Variants in RAB28 observed in about 807,000 individuals in gnomAD.
RAB28 encodes RAB28, member RAS oncogene family, also known as ras-related protein Rab-28.
A neutral mutation model predicts 31.7 loss-of-function variants in RAB28; 24 were observed. The ratio of observed to expected loss-of-function variants is 0.76; its 90% CI spans 0.55 to 1.06. RAB28 has a LOEUF of 1.06. Among genes scored for constraint, RAB28 ranks in the 50% least tolerant of loss-of-function variants. The pLI is 0.00. For missense variants in RAB28, 254 were observed against 258.5 expected (o/e 0.98, Z 0.12); for synonymous variants, 100 against 90.4 (o/e 1.11, Z -0.60).
chr4:13,453,482 G>A (rs978267984), intron 4 of RAB28, among the ~76,000 whole-genome samples: 2 of 152,090 alleles, frequency 1.3e-5, no homozygotes, highest in Non-Finnish European at 2.9e-5. Context: ...GGTGGTTACT[G>A]TCTTTGAACT....
At chr4:13,415,536 A>G (rs148421825) in intron 4 of RAB28, among the ~76,000 whole-genome samples, 11,269 of 152,132 alleles carry the variant, frequency 0.074, 738 homozygotes, top group African/African-American at 0.18. Flanking sequence ...CTTAGCACCC[A>G]GGCCAGTGGC....
At chr4:13,459,061 G>A (rs1024001787) in intron 4 of RAB28, among the ~76,000 whole-genome samples, 2 of 152,206 alleles carry the variant, frequency 1.3e-5, no homozygotes, top group African/African-American at 4.8e-5. Flanking sequence ...GAATAAAGCA[G>A]ATTTGCTGAG....
chr4:13,442,619 C>T (rs1394013175), intron 4 of RAB28, among the ~76,000 whole-genome samples: 1 of 151,514 alleles, frequency 6.6e-6, no homozygotes, highest in Non-Finnish European at 1.5e-5. Context: ...ATTTTTAAAT[C>T]TTTATATTAG....
At chr4:13,418,828 G>T (rs1449644908) in intron 4 of RAB28, among the ~76,000 whole-genome samples, 1 of 152,174 alleles carries the variant, frequency 6.6e-6, no homozygotes, top group Non-Finnish European at 1.5e-5. Context: ...TCAATGCTAG[G>T]AAGAAACTGC....
chr4:13,478,006 T>C (rs1716443344), intron 2 of RAB28, among the ~76,000 whole-genome samples: 1 of 151,452 alleles, frequency 6.6e-6, no homozygotes. Context: ...TTGGTGGCTT[T>C]TCAAATTAAG....
chr4:13,425,417 A>C lies in RAB28; in HGVS notation c.391+35282T>G, dbSNP rs555347393. On this transcript the variant is annotated intron_variant, in intron 4 of 6. Transcript: ENST00000330852. The stretch of plus-strand genomic sequence containing the variant: ...AATTCCATGTAAAACTATTTCAACA[A>C]ACACTGTTTCCTAGAAGTCCTTCAC... 2.9e-4 allele frequency among the ~76,000 whole-genome samples: 44 copies of C among 152,280 alleles called. No homozygotes were observed. The South Asian group carries it at 9.1e-3, about 32-fold the overall frequency.
At chr4:13,402,371 T>G (rs1711816953) in intron 4 of RAB28, among the ~76,000 whole-genome samples, 1 of 152,252 alleles carries the variant, frequency 6.6e-6, no homozygotes, top group African/African-American at 2.4e-5. Context: ...GATTCAATGG[T>G]AGGTTTGTCT....
intron 2 of RAB28, among the ~76,000 whole-genome samples, chr4:13,479,041 AAC>A (rs1349434149): frequency 6.6e-6 from 1 of 151,696 alleles, no homozygotes; most frequent in African/African-American, 2.4e-5. Flanking sequence ...AAAAAACTAA[AAC>A]AGAGGCAAAT....
At chr4:13,432,981 T>G (rs1252500556) in intron 4 of RAB28, among the ~76,000 whole-genome samples, 1 of 149,778 alleles carries the variant, frequency 6.7e-6, no homozygotes, top group Non-Finnish European at 1.5e-5. Flanking sequence ...CAAATTGAAT[T>G]TAAAAAAAAA....
At chr4:13,408,569 G>C (rs997090533) in intron 4 of RAB28, among the ~76,000 whole-genome samples, 7 of 151,728 alleles carry the variant, frequency 4.6e-5, no homozygotes, top group African/African-American at 1.5e-4. Flanking sequence ...CTATTGCTTG[G>C]AATAGCAAAA....
intron 4 of RAB28, among the ~76,000 whole-genome samples, chr4:13,388,551 T>G (rs1287755623): frequency 1.3e-5 from 2 of 151,912 alleles, no homozygotes; most frequent in Non-Finnish European, 2.9e-5. Context: ...TTTTCGTGTA[T>G]CAAAGCACAT....
chr4:13,474,631 T>C (rs566288506), intron 2 of RAB28, among the ~76,000 whole-genome samples: 1 of 151,714 alleles, frequency 6.6e-6, no homozygotes, highest in Non-Finnish European at 1.5e-5. Flanking sequence ...CATGGAACCA[T>C]ATTTACAATC....
At chr4:13,390,696 C>T (rs1434400475) in intron 4 of RAB28, among the ~76,000 whole-genome samples, 1 of 151,792 alleles carries the variant, frequency 6.6e-6, no homozygotes, top group African/African-American at 2.4e-5. Flanking sequence ...GGTACTACTA[C>T]CAAAACAGAG....
intron 4 of RAB28, among the ~76,000 whole-genome samples, chr4:13,415,882 C>T (rs1468316945): frequency 6.6e-6 from 1 of 152,192 alleles, no homozygotes; most frequent in Non-Finnish European, 1.5e-5. Context: ...TTATGTCTAG[C>T]TAGGGGATTG....
chr4:13,482,148 AATG>A (rs759081264), intron 1 of RAB28, among the ~76,000 whole-genome samples: 3 of 152,196 alleles, frequency 2.0e-5, no homozygotes, highest in South Asian at 2.1e-4. Context: ...TTTGAAGCAG[AATG>A]ATAATACTAA....
intron 5 of RAB28, among the ~76,000 whole-genome samples, chr4:13,377,700 A>T (rs1200084890): frequency 6.6e-6 from 1 of 152,240 alleles, no homozygotes; most frequent in Non-Finnish European, 1.5e-5. Context: ...TGTATTGAAC[A>T]TTCACTATAG....
At chr4:13,399,812 TAC>T (rs764029503) in intron 4 of RAB28, among the ~76,000 whole-genome samples, 2 of 152,212 alleles carry the variant, frequency 1.3e-5, no homozygotes, top group Non-Finnish European at 2.9e-5. Flanking sequence ...TATTTTGTGT[TAC>T]ACACACCTTC....
chr4:13,482,753 T>G (rs1185843324), intron 1 of RAB28, among the ~76,000 whole-genome samples: 1 of 152,132 alleles, frequency 6.6e-6, no homozygotes, highest in African/African-American at 2.4e-5. Context: ...TAAAAATCTG[T>G]AACAAAGGAT....
chr4:13,433,474 G>A (rs1211326784), intron 4 of RAB28, among the ~76,000 whole-genome samples: 7 of 151,832 alleles, frequency 4.6e-5, no homozygotes, highest in Non-Finnish European at 8.8e-5. Context: ...ACAAACAAAC[G>A]AAAACACCCT....
Sources: gnomAD v4.1 joint callset for allele counts (sites outside exome capture counted in the v4.1 genomes callset) on GRCh38, gnomAD v4.1.1 for gene constraint, MANE v1.5 for transcripts, NCBI Gene and HGNC (gene_info 2026-07-23, HGNC 2026-07-21) for gene names.